The following ADAP1 variants were observed in gnomAD, a reference collection of about 807,000 sequenced individuals.
ADAP1 encodes arf-GAP with dual PH domain-containing protein 1.
ADAP1 carries 31 observed loss-of-function variants against 54.9 expected under a neutral mutation model. The observed-to-expected ratio is 0.56, with a 90% CI of 0.42 to 0.76. The LOEUF is 0.76. Ranked by LOEUF, ADAP1 falls within the 30% of genes least tolerant of loss-of-function variation. The pLI is 0.00. For missense variants in ADAP1, 535 were observed against 512.4 expected (o/e 1.04, Z -0.42); for synonymous variants, 313 against 202.6 (o/e 1.55, Z -4.63).
At chr7:925,734 G>A (rs1045849943) in intron 3 of ADAP1, among the ~76,000 whole-genome samples, 4 of 152,260 alleles carry the variant, frequency 2.6e-5, no homozygotes, top group African/African-American at 7.2e-5. Flanking sequence ...GGCGCCCGCC[G>A]CTTTCCTGCG....
upstream of ADAP1, chr7:954,716 G>C (rs1847346938): frequency 1.0e-6 from 1 of 981,284 alleles, no homozygotes; most frequent in East Asian, 1.1e-4. Flanking sequence ...CTGCGCTCTG[G>C]CCGGCAAGGC....
chr7:943,259 AG>A (rs1382338354), intron 1 of ADAP1, among the ~76,000 whole-genome samples: 35 of 20,088 alleles, frequency 1.7e-3, no homozygotes, highest in Middle Eastern at 0.083. Flanking sequence ...AGGAAGGGAG[AG>A]GAGGAGGAAG....
intron 4 of ADAP1, among the ~76,000 whole-genome samples, chr7:909,529 A>T (rs188254748): frequency 1.9e-3 from 288 of 151,912 alleles, no homozygotes; most frequent in African/African-American, 6.4e-3. Flanking sequence ...GACGCGCCCC[A>T]CGCCCAGTCC....
Position 920,860 on chromosome 7 carries a change from C to A in ADAP1, c.306-810G>T. On this transcript the variant is annotated intron_variant, in intron 3 of 10. Coordinates refer to ENST00000265846, the MANE Select transcript of ADAP1 (RefSeq NM_006869.4). This position sits in a 1 kb window ranked among gnomAD's most constrained non-coding sequence, Gnocchi z 4.5. ...CACGGCCCAGGTGCACAGGCAGCCGCCCCAGCCTTTTCCACTCCCAGGGAA... is the reference window on the plus strand; with the variant it reads ...CACGGCCCAGGTGCACAGGCAGCCGACCCAGCCTTTTCCACTCCCAGGGAA... The A allele has an allele frequency of 6.5e-7, 1 of 1,550,190 alleles. No individual in the cohort carries two copies. The highest frequency in any genetic ancestry group is 8.7e-7 in the Non-Finnish European group (1 of 1,146,876).
chr7:905,895 GGAGAAA>G (rs1181481972), intron 4 of ADAP1, among the ~76,000 whole-genome samples: 1 of 43,900 alleles, frequency 2.3e-5, no homozygotes, highest in African/African-American at 7.1e-5. Flanking sequence ...AAAGGAGAAA[GGAGAAA>G]GGAGAAAGGG....
intron 2 of ADAP1, among the ~76,000 whole-genome samples, chr7:928,175 G>A (rs1009494260): frequency 1.3e-5 from 2 of 151,560 alleles, no homozygotes; most frequent in Non-Finnish European, 1.5e-5. Context: ...GGCTATGGTC[G>A]CACCACTGAA....
rs1003113111 is a variant in ADAP1, at chr7:935,497, A to G, written c.91T>C (p.Trp31Arg). 1.3e-6 allele frequency: 2 copies of G among 1,563,112 alleles called. No homozygotes were observed. The highest frequency in any genetic ancestry group is 1.4e-5 in the African/African-American group (1 of 73,416). Residue 31 changes from tryptophan (W) to arginine (R), a missense_variant, in exon 2 of 11, where the codon TGG (tryptophan) becomes CGG (arginine). Physicochemically the swap from Trp to Arg is moderately radical, Grantham distance 101 (BLOSUM62 -3). Transcript: ENST00000265846. ...AAGACGCCCAGAGTGTAGGAGGCCC[A>G]GTCGGGATCTGCAAGGGAAAGCCGG... ...CADCGAPDPD[W>R]ASYTLGVFIC...
chr7:904,734 G>A (rs1036198773), intron 5 of ADAP1, among the ~76,000 whole-genome samples: 19 of 152,340 alleles, frequency 1.2e-4, no homozygotes, highest in African/African-American at 4.6e-4. Context: ...GTACCTCCAG[G>A]AAAACTAGGG....
chr7:914,042 C>T (rs949970966), intron 4 of ADAP1, among the ~76,000 whole-genome samples: 9 of 152,238 alleles, frequency 5.9e-5, no homozygotes, highest in Non-Finnish European at 7.3e-5. Context: ...TCCTGGGTGG[C>T]GTGGCCCACA....
chr7:947,192 A>T lies in ADAP1; in HGVS notation c.82+7204T>A, dbSNP rs772538531. Among the ~76,000 whole-genome samples the T allele has an allele frequency of 4.8e-3, 675 of 141,070 alleles. 4 individuals are homozygous for T. The highest frequency in any genetic ancestry group is 0.021 in the Middle Eastern group (5 of 242). The allele number at this position is 141,070 out of a possible 152,430, so 92.5% of individuals were successfully genotyped here. A position where few individuals can be genotyped will look rare whatever the true frequency, so the allele number is the denominator to read the frequency against. On this transcript the variant is annotated intron_variant, in intron 1 of 10. Transcript: ENST00000265846. ...GTAGCTGGGACCACAGGTGTGCACCACCACATCTGGCTGATTTTTTGGTTT... is the reference window on the plus strand; with the variant it reads ...GTAGCTGGGACCACAGGTGTGCACCTCCACATCTGGCTGATTTTTTGGTTT...
intron 3 of ADAP1, among the ~76,000 whole-genome samples, chr7:921,707 C>T (rs998583757): frequency 2.0e-5 from 3 of 152,202 alleles, no homozygotes; most frequent in Non-Finnish European, 2.9e-5. Context: ...TGAGCCGCTC[C>T]GGCTGTGTGA....
chr7:906,717 C>CACG (rs1845435131), intron 4 of ADAP1, among the ~76,000 whole-genome samples: 1 of 33,190 alleles, frequency 3.0e-5, no homozygotes, highest in Non-Finnish European at 5.4e-5. Flanking sequence ...GACGGGACAT[C>CACG]GGGGACGGGA....
chr7:954,155 T>G (rs925680943), intron 1 of ADAP1, among the ~76,000 whole-genome samples: 1 of 151,070 alleles, frequency 6.6e-6, no homozygotes, highest in East Asian at 2.0e-4. Flanking sequence ...GGCAGGGGGG[T>G]TTCCGGGGGT....
chr7:899,319 C>G (rs1583110948), intron 9 of ADAP1, 58 bp from the exon 10 acceptor site: 2 of 1,605,448 alleles, frequency 1.2e-6, no homozygotes, highest in Admixed American at 1.7e-5. Flanking sequence ...CCGCTTCACT[C>G]AGGCCAGGAC....
chr7:952,142 C>T (rs948031398), intron 1 of ADAP1, among the ~76,000 whole-genome samples: 9 of 152,132 alleles, frequency 5.9e-5, no homozygotes, highest in Non-Finnish European at 2.9e-5. Context: ...TCTGGGTGGC[C>T]GCCGGGCGAG....
At chr7:912,458 A>C (rs1178429017) in intron 4 of ADAP1, among the ~76,000 whole-genome samples, 2 of 152,088 alleles carry the variant, frequency 1.3e-5, no homozygotes, top group African/African-American at 4.8e-5. Context: ...GCGCGTCCCC[A>C]CGCAGTGACC....
Position 920,795 on chromosome 7 carries a change from C to T in ADAP1, c.306-745G>A. On this transcript the variant is annotated intron_variant, in intron 3 of 10. Coordinates refer to ENST00000265846, the MANE Select transcript of ADAP1 (RefSeq NM_006869.4). This position sits in a 1 kb window ranked among gnomAD's most constrained non-coding sequence, Gnocchi z 4.5. ...CCACCGTGACTCACTCGAGTGAAGC[C>T]AATACCATTGCAGAAACCACGACCC... The T allele has an allele frequency of 1.3e-6, 2 of 1,550,174 alleles. No individual in the cohort carries two copies. The highest frequency in any genetic ancestry group is 1.7e-6 in the Non-Finnish European group (2 of 1,146,846).
chr7:921,805 C>T (rs1324607386), intron 3 of ADAP1, among the ~76,000 whole-genome samples: 7 of 152,192 alleles, frequency 4.6e-5, no homozygotes, highest in Non-Finnish European at 7.4e-5. Flanking sequence ...GACCGAAGGC[C>T]GCATGTGTGG....
At chr7:930,516 A>ATT (rs199686411) in intron 2 of ADAP1, among the ~76,000 whole-genome samples, 6 of 144,828 alleles carry the variant, frequency 4.1e-5, no homozygotes, top group Non-Finnish European at 7.6e-5. Flanking sequence ...TCACTACAAA[A>ATT]TTTTTTTTTT....
Sources: allele counts gnomAD v4.1 joint callset (sites outside exome capture counted in the v4.1 genomes callset), GRCh38; gene constraint gnomAD v4.1.1; non-coding constraint Gnocchi (gnomAD v3.1); transcripts MANE v1.5; gene names NCBI Gene and HGNC (gene_info 2026-07-23, HGNC 2026-07-21).